The following TBX21 variants were observed in gnomAD, a reference collection of about 807,000 sequenced individuals.
The protein encoded by TBX21 is T-box transcription factor 21.
A neutral mutation model predicts 52.2 loss-of-function variants in TBX21; 11 were observed. That is an observed-to-expected ratio of 0.21 (90% CI 0.13 to 0.35). The LOEUF is 0.35. TBX21 is among the 10% of genes least tolerant of loss of function. The probability of loss-of-function intolerance (pLI) is 1.00; values close to 1 mark genes in which losing one functional copy is unlikely to be tolerated. For synonymous variants in TBX21, 300 were observed against 316.1 expected (o/e 0.95, Z 0.54); for missense variants, 625 against 755.1 (o/e 0.83, Z 2.02).
At chr17:47,735,932 G>C (rs1015628466) in intron 1 of TBX21, among the ~76,000 whole-genome samples, 33 of 152,206 alleles carry the variant, frequency 2.2e-4, no homozygotes, top group Admixed American at 1.1e-3. Flanking sequence ...TGCCAGTCTT[G>C]AGGGATGGGG....
intron 1 of TBX21, among the ~76,000 whole-genome samples, chr17:47,735,255 G>T (rs966831295): frequency 5.3e-5 from 8 of 152,166 alleles, no homozygotes; most frequent in African/African-American, 1.9e-4. Context: ...TTGTGGGGTA[G>T]CCTGGGACTG....
chr17:47,734,605 G>GTGTA (rs2032186105), intron 1 of TBX21, among the ~76,000 whole-genome samples: 94 of 107,236 alleles, frequency 8.8e-4, no homozygotes, highest in African/African-American at 3.4e-3. Flanking sequence ...GTGTGTGTGT[G>GTGTA]TGTGTATGTG....
intron 1 of TBX21, among the ~76,000 whole-genome samples, chr17:47,734,529 G>C (rs935848640): frequency 6.8e-6 from 1 of 146,570 alleles, no homozygotes; most frequent in African/African-American, 2.6e-5. Flanking sequence ...TTTCCTTTCC[G>C]GTCTTACTTT....
Position 47,733,983 on chromosome 17 carries a change from C to T in TBX21, c.491+38C>T, listed in dbSNP as rs768586111. ...CGCCGGCCCTTGGGGCCTCTGTGCCCGCGCCGGAACAAGAACGTCTCGTCT... is the reference window on the plus strand; with the variant it reads ...CGCCGGCCCTTGGGGCCTCTGTGCCTGCGCCGGAACAAGAACGTCTCGTCT... On this transcript the variant is annotated intron_variant, in intron 1 of 5. Transcript: ENST00000177694. The surrounding 1 kb of genome is among the most constrained non-coding windows in gnomAD (Gnocchi z 6.6). The T allele has an allele frequency of 3.1e-6, 5 of 1,611,502 alleles. No homozygotes were observed. In the African/African-American group the frequency reaches 4.0e-5, roughly 13 times the overall value.
In TBX21 at chr17:47,745,471, C is replaced by G; in HGVS notation, c.*105C>G. 4.1e-6 allele frequency: 6 copies of G among 1,461,964 alleles called. No homozygotes were observed. The highest frequency in any genetic ancestry group is 3.6e-6 in the Non-Finnish European group (4 of 1,100,080). 90.6% of individuals were successfully genotyped at this position (1,461,964 alleles called of 1,614,324 possible). On this transcript the variant is annotated 3_prime_UTR_variant, in exon 6 of 6. Coordinates refer to ENST00000177694, the MANE Select transcript of TBX21 (RefSeq NM_013351.2). ...CTGAGAAGGCCCCCGCTCCCTCTGG[C>G]CCTTCTCTGTTTAGTAGTTGGTTGG...
At position 47,735,873 on chromosome 17, in the gene TBX21, G is replaced by A. The variant is rs143218832; in HGVS notation, c.491+1928G>A. On this transcript the variant is annotated intron_variant, in intron 1 of 5. Coordinates refer to ENST00000177694, the MANE Select transcript of TBX21 (RefSeq NM_013351.2). ...TGGTCAGGAGGACTTCCCACCCTGG[G>A]CCCTTGCTGGGGTCTCCCCACAGCC... Among the ~76,000 whole-genome samples the A allele has an allele frequency of 2.8e-3, 421 of 152,320 alleles. 1 individual carries two copies. The highest frequency in any genetic ancestry group is 5.8e-3 in the South Asian group (28 of 4,822).
chr17:47,742,587 G>A lies in TBX21; in HGVS notation c.492-23G>A. The A allele has an allele frequency of 6.3e-7, 1 of 1,585,122 alleles. No individual in the cohort carries two copies. The highest frequency in any genetic ancestry group is 8.6e-7 in the Non-Finnish European group (1 of 1,162,408). Reference sequence around the variant, plus strand: ...GTCAAGCTGGAGCTGATGGGTGCTGGGGGCTTTCTCTCTTCTCTCCAGGCG... The same window carrying A: ...GTCAAGCTGGAGCTGATGGGTGCTGAGGGCTTTCTCTCTTCTCTCCAGGCG... On this transcript the variant is annotated intron_variant, in intron 1 of 5. Coordinates refer to ENST00000177694, the MANE Select transcript of TBX21 (RefSeq NM_013351.2). This position sits in a 1 kb window ranked among gnomAD's most constrained non-coding sequence, Gnocchi z 4.4.
At position 47,745,112 on chromosome 17, in the gene TBX21, C is replaced by T. The variant is rs540412579; in HGVS notation, c.1354C>T (p.Arg452Trp). The T allele has an allele frequency of 8.7e-6, 14 of 1,613,996 alleles. No homozygotes were observed. The highest frequency in any genetic ancestry group is 4.5e-5 in the East Asian group (2 of 44,876). The change falls in exon 6 of 6, where the codon CGG becomes TGG. Residue 452 changes from arginine to tryptophan, a missense_variant. Physicochemically the swap from Arg to Trp is moderately radical, Grantham distance 101 (BLOSUM62 -3). Transcript: ENST00000177694. ...MGPASWFRPM[R>W]TLPMEPGPGG... Reference sequence around the variant, plus strand: ...CCCGGCCAGCTGGTTCCGCCCTATGCGGACTCTGCCCATGGAACCCGGCCC... The same window carrying T: ...CCCGGCCAGCTGGTTCCGCCCTATGTGGACTCTGCCCATGGAACCCGGCCC...
chr17:47,744,691 C>T (rs1244315669), intron 5 of TBX21, 57 bp from the exon 6 acceptor site: 4 of 1,597,062 alleles, frequency 2.5e-6, no homozygotes, highest in Non-Finnish European at 2.6e-6. Context: ...AACAGGTAGG[C>T]TCACAGGTGA....
chr17:47,744,176 C>A lies in TBX21; in HGVS notation c.769-19C>A. On this transcript the variant is annotated intron_variant, in intron 3 of 5. Coordinates refer to ENST00000177694, the MANE Select transcript of TBX21 (RefSeq NM_013351.2). ...AATCCTTCCTCCCCACCCCTACAAC[C>A]GTCTTGCTCTGTCTACAGATGATTG... 1 of 1,610,100 alleles carries A rather than the reference C, an allele frequency of 6.2e-7. No homozygotes were observed. Among genetic ancestry groups the A allele is most frequent in the South Asian group, 1.1e-5 (1 of 90,828 alleles).
In TBX21 at chr17:47,734,616, TGTGTGG is replaced by T. The variant is rs1567918966; in HGVS notation, c.491+677_491+682del. Among the ~76,000 whole-genome samples the T allele has an allele frequency of 7.4e-4, 83 of 111,534 alleles. 1 individual carries two copies. Among genetic ancestry groups the T allele is most frequent in the African/African-American group, 1.4e-3 (39 of 27,944 alleles). 73.2% of individuals were successfully genotyped at this position (111,534 alleles called of 152,430 possible). Reference sequence around the variant, plus strand: ...GTGTGTGTGTGTGTGTGTGTATGTGTGTGTGGGTGTGTGTGTATGGGGGCTAGTGCA... The same window carrying T: ...GTGTGTGTGTGTGTGTGTGTATGTGTGTGTGTGTGTATGGGGGCTAGTGCA... On this transcript the variant is annotated intron_variant, in intron 1 of 5. Transcript: ENST00000177694.
chr17:47,745,078 C>A lies in TBX21; in HGVS notation c.1320C>A (p.Pro440=). ...AGWPVAPQYP[P]KMGPASWFRP... Reference sequence around the variant, plus strand: ...GGCCTGTGGCACCCCAGTACCCTCCCAAGATGGGCCCGGCCAGCTGGTTCC... The same window carrying A: ...GGCCTGTGGCACCCCAGTACCCTCCAAAGATGGGCCCGGCCAGCTGGTTCC... Residue 440 remains proline (P), a synonymous_variant, in exon 6 of 6, where the codon CCC becomes CCA. Transcript: ENST00000177694. 6.2e-7 allele frequency: 1 copy of A among 1,613,606 alleles called. No homozygotes were observed. The highest frequency in any genetic ancestry group is 8.5e-7 in the Non-Finnish European group (1 of 1,180,032).
At chr17:47,741,930 C>G (rs527418764) in intron 1 of TBX21, among the ~76,000 whole-genome samples, 2 of 152,290 alleles carry the variant, frequency 1.3e-5, no homozygotes, top group African/African-American at 4.8e-5. Context: ...AGTCATTGAA[C>G]ACAGAGCCGG....
chr17:47,739,848 T>A, intron 1 of TBX21, among the ~76,000 whole-genome samples: 1 of 148,086 alleles, frequency 6.8e-6, no homozygotes, highest in South Asian at 2.2e-4. Flanking sequence ...GAGGTTGCAG[T>A]GAGCCGAGAT....
Position 47,744,175 on chromosome 17 carries a change from C to T in TBX21, c.769-20C>T. 1 of 1,610,204 alleles carries T rather than the reference C, an allele frequency of 6.2e-7. No homozygotes were observed. The highest frequency in any genetic ancestry group is 8.5e-7 in the Non-Finnish European group (1 of 1,177,204). ...AAATCCTTCCTCCCCACCCCTACAA[C>T]CGTCTTGCTCTGTCTACAGATGATT... On this transcript the variant is annotated intron_variant, in intron 3 of 5. Transcript: ENST00000177694.
chr17:47,743,306 A>G, intron 3 of TBX21, 114 bp downstream of exon 3: 10 of 1,362,970 alleles, frequency 7.3e-6, no homozygotes, highest in Non-Finnish European at 1.0e-5. Flanking sequence ...CTTCCTTCCT[A>G]CAGGAAGGAA....
At position 47,744,835 on chromosome 17, in the gene TBX21, A is replaced by G. The variant is rs377640643; in HGVS notation, c.1077A>G (p.Leu359=). Reference sequence around the variant, plus strand: ...GGGGAGATCACTACTCTCCTCTCCTACCCAACCAGTATCCTGTTCCCAGCC... The same window carrying G: ...GGGGAGATCACTACTCTCCTCTCCTGCCCAACCAGTATCCTGTTCCCAGCC... The part of the protein sequence containing the change: ...FLGGDHYSPL[L]PNQYPVPSRF... Residue 359 remains leucine (L), a synonymous_variant, in exon 6 of 6, where the codon CTA becomes CTG. Coordinates refer to ENST00000177694, the MANE Select transcript of TBX21 (RefSeq NM_013351.2). The G allele has an allele frequency of 1.2e-6, 2 of 1,613,776 alleles. No individual in the cohort carries two copies. Among genetic ancestry groups the G allele is most frequent in the African/African-American group, 2.7e-5 (2 of 74,834 alleles).
At position 47,733,577 on chromosome 17, in the gene TBX21, C is replaced by A. The variant is rs1380933175; in HGVS notation, c.123C>A (p.Gly41=). 1.4e-6 allele frequency: 2 copies of A among 1,467,000 alleles called. No individual in the cohort carries two copies. The highest frequency in any genetic ancestry group is 1.8e-6 in the Non-Finnish European group (2 of 1,117,226). 90.9% of individuals were successfully genotyped at this position (1,467,000 alleles called of 1,614,324 possible). Reference sequence around the variant, plus strand: ...ACCGCTACTTCTACCCGGAGCCGGGCGCGCAGGACGCGGACGAGCGTCGCG... The same window carrying A: ...ACCGCTACTTCTACCCGGAGCCGGGAGCGCAGGACGCGGACGAGCGTCGCG... ...PQHRYFYPEP[G]AQDADERRGG... is the part of the protein sequence containing the mutation. Residue 41 remains glycine, a synonymous_variant, in exon 1 of 6, where the codon GGC becomes GGA. Transcript: ENST00000177694. This position sits in a 1 kb window ranked among gnomAD's most constrained non-coding sequence, Gnocchi z 6.6.
rs1597981301 is a variant in TBX21, at chr17:47,733,852, T to G, written c.398T>G (p.Val133Gly). The G allele has an allele frequency of 6.2e-7, 1 of 1,611,292 alleles. No individual in the cohort carries two copies. Among genetic ancestry groups the G allele is most frequent in the East Asian group, 2.2e-5 (1 of 44,708 alleles). ...EDYALPAGLEVSGKLRVALNN... is the reference protein window; with the variant it reads ...EDYALPAGLEGSGKLRVALNN... ...TACGCGCTACCCGCGGGACTGGAGG[T>G]GTCGGGGAAACTGAGGGTCGCGCTC... is the stretch of plus-strand genomic sequence containing the variant. The change falls in exon 1 of 6, where the codon GTG becomes GGG. Residue 133 changes from valine to glycine, a missense_variant. Around this residue, in one of 4 missense-constraint regions of TBX21, gnomAD observed 142 missense variants for 258.5 expected, o/e 0.55. Coordinates refer to ENST00000177694, the MANE Select transcript of TBX21 (RefSeq NM_013351.2). This position sits in a 1 kb window ranked among gnomAD's most constrained non-coding sequence, Gnocchi z 6.6.
Sources: allele counts gnomAD v4.1 joint callset (sites outside exome capture counted in the v4.1 genomes callset), GRCh38; gene constraint gnomAD v4.1.1; regional missense constraint gnomAD v4.1.1; non-coding constraint Gnocchi (gnomAD v3.1); transcripts MANE v1.5; gene names NCBI Gene and HGNC (gene_info 2026-07-23, HGNC 2026-07-21).